The following SPNS2 variants were observed in gnomAD, a reference collection of about 807,000 sequenced individuals.
The protein encoded by SPNS2 is SPNS lysolipid transporter 2, sphingosine-1-phosphate.
In SPNS2, 37 loss-of-function variants were observed where a neutral mutation model predicts 57.6. That is an observed-to-expected ratio of 0.64 (90% CI 0.49 to 0.85). SPNS2 has a LOEUF of 0.85. SPNS2 is among the 40% of genes least tolerant of loss of function. SPNS2 has a pLI of 0.00. For missense variants in SPNS2, 831 were observed against 779.1 expected (o/e 1.07, Z -0.79); for synonymous variants, 440 against 346.9 (o/e 1.27, Z -2.98).
chr17:4,506,940 C>T, intron 1 of SPNS2, among the ~76,000 whole-genome samples: 1 of 152,190 alleles, frequency 6.6e-6, no homozygotes, highest in South Asian at 2.1e-4. Context: ...CCAGCTGCTC[C>T]TGAAGATCAC....
chr17:4,536,328 C>G lies in SPNS2; in HGVS notation c.1509C>G (p.Tyr503Ter). 6.2e-7 allele frequency: 1 copy of G among 1,612,076 alleles called. No individual in the cohort carries two copies. The highest frequency in any genetic ancestry group is 8.5e-7 in the Non-Finnish European group (1 of 1,179,952). The change falls in exon 11 of 13, where the codon TAC (tyrosine) becomes TAG (stop). Residue 503 changes from tyrosine (Y) to a stop codon, truncating the protein, a stop_gained. Transcript: ENST00000329078. LOFTEE classifies it high-confidence loss of function. The part of the protein sequence containing the change: ...SPLWEFLSLG[Y>*]ALMLCPFVVV... ...TCTGGGAGTTCCTGAGCCTGGGCTA[C>G]GCGCTCATGCTCTGCCCTTTCGTCG...
intron 5 of SPNS2, among the ~76,000 whole-genome samples, chr17:4,531,361 T>A (rs746362774): frequency 4.6e-5 from 7 of 151,940 alleles, no homozygotes; most frequent in Non-Finnish European, 8.8e-5. Context: ...AGGCTGAGGG[T>A]TGGAATCTCC....
chr17:4,506,995 C>T (rs1477842202), intron 1 of SPNS2, among the ~76,000 whole-genome samples: 1 of 152,172 alleles, frequency 6.6e-6, no homozygotes, highest in Non-Finnish European at 1.5e-5. Context: ...CCTGGGGAAG[C>T]CTGGGGGTGA....
chr17:4,503,269 T>A (rs1904579155), intron 1 of SPNS2, among the ~76,000 whole-genome samples: 1 of 152,222 alleles, frequency 6.6e-6, no homozygotes, highest in African/African-American at 2.4e-5. Flanking sequence ...ACGCAGAGGC[T>A]CTGCTGGCTT....
chr17:4,510,414 C>T lies in SPNS2; in HGVS notation c.371-2833C>T, dbSNP rs1036119859. ...AGGAATGTTCTCCCTCTACCAGGAG[C>T]TCTATGTGGTAGGAAGTCAGGGGAA... On this transcript the variant is annotated intron_variant, in intron 1 of 12. Transcript: ENST00000329078. The surrounding 1 kb of genome is among the most constrained non-coding windows in gnomAD (Gnocchi z 4.4). Among the ~76,000 whole-genome samples the T allele has an allele frequency of 4.6e-5, 7 of 152,152 alleles. No homozygotes were observed. Among genetic ancestry groups the T allele is most frequent in the Non-Finnish European group, 7.4e-5 (5 of 68,020 alleles).
Position 4,538,562 on chromosome 17 carries a change from G to A in SPNS2, c.*1114G>A. The A allele has an allele frequency of 2.8e-6, 1 of 355,848 alleles. No individual in the cohort carries two copies. Among genetic ancestry groups the A allele is most frequent in the Non-Finnish European group, 5.2e-6 (1 of 191,622 alleles). The allele number at this position is 355,848 out of a possible 1,614,324, so 22.0% of individuals were successfully genotyped here. On this transcript the variant is annotated 3_prime_UTR_variant, in exon 13 of 13. Transcript: ENST00000329078. ...TCACACCAGCCCCAACCCGCTTTGGGGGAGCTTAGCCCCCTGCGTCACCCA... is the reference window on the plus strand; with the variant it reads ...TCACACCAGCCCCAACCCGCTTTGGAGGAGCTTAGCCCCCTGCGTCACCCA...
chr17:4,536,338 C>T lies in SPNS2; in HGVS notation c.1519C>T (p.Leu507Phe), dbSNP rs1201471881. ...CCTGAGCCTGGGCTACGCGCTCATG[C>T]TCTGCCCTTTCGTCGTGGTCCTGGG... ...EFLSLGYALM[L>F]CPFVVVLGGM... Residue 507 changes from leucine (L) to phenylalanine (F), a missense_variant, in exon 11 of 13, where the codon CTC becomes TTC. Physicochemically the swap from Leu to Phe is conservative, Grantham distance 22. Coordinates refer to ENST00000329078, the MANE Select transcript of SPNS2 (RefSeq NM_001124758.3). The T allele has an allele frequency of 3.7e-6, 6 of 1,611,852 alleles. No homozygotes were observed. Among genetic ancestry groups the T allele is most frequent in the Admixed American group, 1.7e-5 (1 of 60,022 alleles).
chr17:4,524,999 G>T, intron 2 of SPNS2, 58 bp from the exon 3 acceptor site: 1 of 1,592,032 alleles, frequency 6.3e-7, no homozygotes, highest in Non-Finnish European at 8.6e-7. Flanking sequence ...AGTGAAATGG[G>T]CCGGGAGGCC....
intron 2 of SPNS2, among the ~76,000 whole-genome samples, chr17:4,516,973 C>T (rs976671117): frequency 2.6e-5 from 4 of 152,150 alleles, no homozygotes; most frequent in African/African-American, 7.2e-5. Context: ...GTGAGAATGG[C>T]GCAACGAACT....
At chr17:4,532,212 C>T (rs951645504) in intron 5 of SPNS2, among the ~76,000 whole-genome samples, 1 of 152,176 alleles carries the variant, frequency 6.6e-6, no homozygotes, top group Admixed American at 6.5e-5. Flanking sequence ...GTCCATCTCT[C>T]CATCAACCTC....
In SPNS2 at chr17:4,533,135, G is replaced by T. The variant is rs904263442; in HGVS notation, c.1088+6G>T. On this transcript the variant is annotated splice_donor_region_variant and intron_variant, in intron 7 of 12. Coordinates refer to ENST00000329078, the MANE Select transcript of SPNS2 (RefSeq NM_001124758.3). ...CCCTGTGGGGCCAAGGACAGGTGGGGCCCCGCGGGGTGGGCCCAGGGCTGG... is the reference window on the plus strand; with the variant it reads ...CCCTGTGGGGCCAAGGACAGGTGGGTCCCCGCGGGGTGGGCCCAGGGCTGG... 1 of 1,604,216 alleles carries T rather than the reference G, an allele frequency of 6.2e-7. No homozygotes were observed. The highest frequency in any genetic ancestry group is 2.2e-5 in the East Asian group (1 of 44,654).
rs3053652 is a variant in SPNS2, at chr17:4,536,432, T to TGGG, written c.1607+11_1607+13dup. 1,144 of 1,577,990 alleles carry TGGG rather than the reference T, an allele frequency of 7.2e-4. 1 individual carries two copies. Among genetic ancestry groups the TGGG allele is most frequent in the Middle Eastern group, 2.6e-3 (15 of 5,878 alleles). On this transcript the variant is annotated splice_region_variant and intron_variant, in intron 11 of 12. Transcript: ENST00000329078. ...CGCGCCAGGGCTGAGCAGCAGTGAG[T>TGGG]GGGGGGGAGGGGAGGCCCTGCTGCA... is the stretch of plus-strand genomic sequence containing the variant.
In SPNS2 at chr17:4,538,822, C is replaced by T. The variant is rs1262295481; in HGVS notation, c.*1374C>T. ...AGGATGGGGTGGGGGTGGCATCCTC[C>T]AAAGACCAGCCTCCACCCCCACTCC... On this transcript the variant is annotated 3_prime_UTR_variant, in exon 13 of 13. Transcript: ENST00000329078. The T allele has an allele frequency of 1.7e-5, 13 of 772,752 alleles. 1 individual carries two copies. In the Admixed American group the frequency reaches 1.7e-4, roughly 10 times the overall value. The allele number at this position is 772,752 out of a possible 1,614,324, so 47.9% of individuals were successfully genotyped here. A position where few individuals can be genotyped will look rare whatever the true frequency, so the allele number is the denominator to read the frequency against.
rs376608613 is a variant in SPNS2, at chr17:4,499,615, G to A, written c.370+198G>A. 2.5e-6 allele frequency: 1 copy of A among 407,438 alleles called. No individual in the cohort carries two copies. The allele number at this position is 407,438 out of a possible 1,614,324, so 25.2% of individuals were successfully genotyped here. On this transcript the variant is annotated intron_variant, in intron 1 of 12. Coordinates refer to ENST00000329078, the MANE Select transcript of SPNS2 (RefSeq NM_001124758.3). This position sits in a 1 kb window ranked among gnomAD's most constrained non-coding sequence, Gnocchi z 5.2. ...CACCACGGGTACAATCCAGCTCCCC[G>A]CTCATACACACCCGGGGCCAAGGGA...
In SPNS2 at chr17:4,532,412, G is replaced by C. The variant is rs992240292; in HGVS notation, c.793-130G>C. 30 of 1,353,974 alleles carry C rather than the reference G, an allele frequency of 2.2e-5. No homozygotes were observed. In the African/African-American group the frequency reaches 4.2e-4, roughly 19 times the overall value. The allele number at this position is 1,353,974 out of a possible 1,614,324, so 83.9% of individuals were successfully genotyped here. On this transcript the variant is annotated intron_variant, in intron 5 of 12. Transcript: ENST00000329078. ...TTTTCTCAGCAGCCCAATTAGGAAG[G>C]CTGGGCAGATACCTGCTCAGAGGAG...
At chr17:4,527,060 G>A (rs1481806968) in intron 3 of SPNS2, among the ~76,000 whole-genome samples, 2 of 152,226 alleles carry the variant, frequency 1.3e-5, no homozygotes, top group Non-Finnish European at 2.9e-5. Context: ...GCCAGGTCCG[G>A]GTCCATCTCT....
chr17:4,516,577 C>T (rs1905001584), intron 2 of SPNS2, among the ~76,000 whole-genome samples: 1 of 145,378 alleles, frequency 6.9e-6, no homozygotes, highest in Non-Finnish European at 1.5e-5. Context: ...CGGCAGAGAG[C>T]GTGCACCTAG....
chr17:4,516,313 C>CA (rs1224455113), intron 2 of SPNS2, among the ~76,000 whole-genome samples: 486 of 43,394 alleles, frequency 0.011, 53 homozygotes, highest in Middle Eastern at 0.034. Context: ...GACTCTATCT[C>CA]CCCAAAAAAA....
Position 4,536,271 on chromosome 17 carries a change from C to T in SPNS2, c.1452C>T (p.Asp484=). The T allele has an allele frequency of 1.9e-6, 3 of 1,612,292 alleles. No homozygotes were observed. Among genetic ancestry groups the T allele is most frequent in the Non-Finnish European group, 2.5e-6 (3 of 1,179,820 alleles). ...GSPYLIGFIS[D]LIRQSTKDSP... ...CCCCCAAATCCTCGCAGATCTCAGA[C>T]CTGATCCGCCAGAGCACTAAGGACT... The change falls in exon 11 of 13, where the codon GAC becomes GAT. Residue 484 remains aspartate (D), a synonymous_variant. Coordinates refer to ENST00000329078, the MANE Select transcript of SPNS2 (RefSeq NM_001124758.3).
Sources: allele counts gnomAD v4.1 joint callset (sites outside exome capture counted in the v4.1 genomes callset), GRCh38; gene constraint gnomAD v4.1.1; non-coding constraint Gnocchi (gnomAD v3.1); transcripts MANE v1.5; gene names NCBI Gene and HGNC (gene_info 2026-07-23, HGNC 2026-07-21).